Variants in UBE2E1 observed in about 807,000 individuals in gnomAD.
UBE2E1 encodes ubiquitin conjugating enzyme E2 E1.
In UBE2E1, 6 loss-of-function variants were observed where a neutral mutation model predicts 21.4. The ratio of observed to expected loss-of-function variants is 0.28; its 90% CI spans 0.15 to 0.55. UBE2E1 has a LOEUF of 0.55. Among genes scored for constraint, UBE2E1 ranks in the 20% least tolerant of loss-of-function variants. UBE2E1 has a pLI of 0.93. For synonymous variants in UBE2E1, 87 were observed against 82.7 expected (o/e 1.05, Z -0.28); for missense variants, 142 against 236.5 (o/e 0.60, Z 2.62).
rs558380600 is a variant in UBE2E1, at chr3:23,816,977, T to C, written c.203+5467T>C. Among the ~76,000 whole-genome samples, 1 of 151,178 alleles carries C rather than the reference T, an allele frequency of 6.6e-6. No individual in the cohort carries two copies. Among genetic ancestry groups the C allele is most frequent in the East Asian group, 1.9e-4 (1 of 5,192 alleles). ...CCACTAAATTGTACACTTAAAATGG[T>C]TAAAATGGCAAATTTCATGTTATAT... On this transcript the variant is annotated intron_variant, in intron 3 of 5. Transcript: ENST00000306627. This position sits in a 1 kb window ranked among gnomAD's most constrained non-coding sequence, Gnocchi z 4.8.
intron 3 of UBE2E1, among the ~76,000 whole-genome samples, chr3:23,843,669 A>G (rs1477369022): frequency 1.3e-5 from 2 of 152,080 alleles, no homozygotes; most frequent in African/African-American, 2.4e-5. Context: ...AGCATCCCAC[A>G]TCATTAGCTT....
At position 23,807,342 on chromosome 3, in the gene UBE2E1, G is replaced by C. The variant is rs1347792097; in HGVS notation, c.73G>C (p.Glu25Gln). Residue 25 changes from glutamate (E) to glutamine (Q), a missense_variant, in exon 2 of 6, where the codon GAA (glutamate) becomes CAA (glutamine). By Grantham distance (29) the Glu-to-Gln change is conservative. Coordinates refer to ENST00000306627, the MANE Select transcript of UBE2E1 (RefSeq NM_003341.5). ...SSSSNQQTEK[E>Q]TNTPKKKESK... Reference sequence around the variant, plus strand: ...GTCTTCCAACCAGCAAACCGAGAAAGAAACAAACACCCCCAAGAAGAAGGA... The same window carrying C: ...GTCTTCCAACCAGCAAACCGAGAAACAAACAAACACCCCCAAGAAGAAGGA... 1.2e-6 allele frequency: 2 copies of C among 1,613,890 alleles called. No individual in the cohort carries two copies. The highest frequency in any genetic ancestry group is 1.7e-5 in the Admixed American group (1 of 59,980).
intron 3 of UBE2E1, among the ~76,000 whole-genome samples, chr3:23,824,522 ACTTT>A (rs977789345): frequency 4.6e-5 from 7 of 152,134 alleles, no homozygotes; most frequent in Non-Finnish European, 8.8e-5. Flanking sequence ...CAAGATTTGA[ACTTT>A]CTATCTGAAT....
chr3:23,844,680 G>A (rs1443268823), intron 3 of UBE2E1, among the ~76,000 whole-genome samples: 2 of 152,184 alleles, frequency 1.3e-5, no homozygotes, highest in African/African-American at 2.4e-5. Context: ...GAGAATTCCT[G>A]TGTCCTCTTA....
chr3:23,887,660 T>G lies in UBE2E1; in HGVS notation c.297T>G (p.Asp99Glu), dbSNP rs1391181395. 1 of 1,613,968 alleles carries G rather than the reference T, an allele frequency of 6.2e-7. No homozygotes were observed. The highest frequency in any genetic ancestry group is 1.1e-5 in the South Asian group (1 of 91,032). Residue 99 changes from aspartate to glutamate, a missense_variant, in exon 4 of 6, where the codon GAT becomes GAG. Physicochemically the swap from Asp to Glu is conservative, Grantham distance 45. This residue lies in a region of UBE2E1 where 87 missense variants were observed against 184.9 expected (regional missense o/e 0.47). Transcript: ENST00000306627. This position sits in a 1 kb window ranked among gnomAD's most constrained non-coding sequence, Gnocchi z 4.4. ...ATGAGGGTGGTGTATTCTTTCTCGA[T>G]ATCACTTTTACACCAGAATATCCCT... Reference protein sequence around the residue: ...SVYEGGVFFLDITFTPEYPFK... With the variant: ...SVYEGGVFFLEITFTPEYPFK...
chr3:23,831,016 C>T (rs566428388), intron 3 of UBE2E1, among the ~76,000 whole-genome samples: 13 of 152,334 alleles, frequency 8.5e-5, no homozygotes, highest in Admixed American at 2.0e-4. Context: ...GAAGAACCCA[C>T]GTGATCTGGC....
Position 23,816,301 on chromosome 3 carries a change from T to A in UBE2E1, c.203+4791T>A, listed in dbSNP as rs1448004590. Among the ~76,000 whole-genome samples the A allele has an allele frequency of 6.6e-6, 1 of 152,176 alleles. No individual in the cohort carries two copies. The highest frequency in any genetic ancestry group is 2.1e-4 in the South Asian group (1 of 4,832). ...AAAAAGTGGAAAAAACCCAAGTGTC[T>A]GTCAACAGATGAGTGGATAAACAAA... On this transcript the variant is annotated intron_variant, in intron 3 of 5. Coordinates refer to ENST00000306627, the MANE Select transcript of UBE2E1 (RefSeq NM_003341.5). The surrounding 1 kb of genome is among the most constrained non-coding windows in gnomAD (Gnocchi z 4.8).
At chr3:23,873,102 A>G (rs1430689134) in intron 3 of UBE2E1, among the ~76,000 whole-genome samples, 1 of 152,208 alleles carries the variant, frequency 6.6e-6, no homozygotes, top group Non-Finnish European at 1.5e-5. Flanking sequence ...GCAGACAGGT[A>G]GATTTTCATA....
intron 3 of UBE2E1, among the ~76,000 whole-genome samples, chr3:23,818,515 A>C (rs1699575074): frequency 6.6e-6 from 1 of 152,210 alleles, no homozygotes; most frequent in Non-Finnish European, 1.5e-5. Flanking sequence ...ATGTTAAAAG[A>C]ATGATACAGC....
intron 3 of UBE2E1, among the ~76,000 whole-genome samples, chr3:23,864,083 A>C (rs1321187703): frequency 1.3e-5 from 2 of 152,098 alleles, no homozygotes; most frequent in African/African-American, 4.8e-5. Flanking sequence ...TTTTTTAGAG[A>C]CCTCAAGTAT....
At chr3:23,818,533 C>T (rs887759940) in intron 3 of UBE2E1, among the ~76,000 whole-genome samples, 3 of 152,192 alleles carry the variant, frequency 2.0e-5, no homozygotes, top group African/African-American at 7.2e-5. Context: ...AGCAAGCGCC[C>T]ACCCTTCACC....
At chr3:23,857,001 TAAA>T (rs34840201) in intron 3 of UBE2E1, among the ~76,000 whole-genome samples, 3 of 129,826 alleles carry the variant, frequency 2.3e-5, no homozygotes, top group Non-Finnish European at 3.2e-5. Flanking sequence ...GGCTGTCTCT[TAAA>T]AAAAAAAAAA....
chr3:23,860,291 C>T (rs2125313075), intron 3 of UBE2E1, among the ~76,000 whole-genome samples: 1 of 152,302 alleles, frequency 6.6e-6, no homozygotes, highest in South Asian at 2.1e-4. Flanking sequence ...GTGACTGCAC[C>T]TCACTAAATT....
chr3:23,880,730 A>G (rs1701018822), intron 3 of UBE2E1, among the ~76,000 whole-genome samples: 1 of 152,218 alleles, frequency 6.6e-6, no homozygotes, highest in African/African-American at 2.4e-5. Flanking sequence ...AAAGACTCAC[A>G]AAAACATGAT....
chr3:23,832,688 T>C (rs141085826), intron 3 of UBE2E1, among the ~76,000 whole-genome samples: 1 of 152,230 alleles, frequency 6.6e-6, no homozygotes, highest in Non-Finnish European at 1.5e-5. Context: ...TGAGCCAAGA[T>C]CTTGCCACTG....
chr3:23,886,021 A>C (rs1559495933), intron 3 of UBE2E1, among the ~76,000 whole-genome samples: 1 of 151,878 alleles, frequency 6.6e-6, no homozygotes, highest in Non-Finnish European at 1.5e-5. Flanking sequence ...ACATAGAGAG[A>C]CCCCCATCTA....
intron 3 of UBE2E1, among the ~76,000 whole-genome samples, chr3:23,845,615 G>GTGTGTGTGTGTGTGTGTGTA (rs1559483398): frequency 6.6e-6 from 1 of 150,710 alleles, no homozygotes; most frequent in Non-Finnish European, 1.5e-5. Flanking sequence ...GTGTGTGTGT[G>GTGTGTGTGTGTGTGTGTGTA]TATGTGTGTG....
rs906423015 is a variant in UBE2E1, at chr3:23,806,148, A to G, written c.-34+60A>G. ...GGCCGCGCCGCCGGGCCTCGGGGAC[A>G]CCCCTCGCCGCCTCCCCCGACTCGC... On this transcript the variant is annotated intron_variant, in intron 1 of 5. Coordinates refer to ENST00000306627, the MANE Select transcript of UBE2E1 (RefSeq NM_003341.5). This position sits in a 1 kb window ranked among gnomAD's most constrained non-coding sequence, Gnocchi z 6.5. 3 of 137,096 alleles carry G rather than the reference A, an allele frequency of 2.2e-5. No homozygotes were observed. The highest frequency in any genetic ancestry group is 4.8e-5 in the Non-Finnish European group (3 of 63,062). The allele number at this position is 137,096 out of a possible 1,614,324, so 8.5% of individuals were successfully genotyped here.
intron 3 of UBE2E1, among the ~76,000 whole-genome samples, chr3:23,865,816 A>G (rs1401226407): frequency 6.6e-6 from 1 of 152,166 alleles, no homozygotes; most frequent in African/African-American, 2.4e-5. Context: ...GTGCCTGACC[A>G]GTGGCCACCA....
Sources: gnomAD v4.1 joint callset for allele counts (sites outside exome capture counted in the v4.1 genomes callset) on GRCh38, gnomAD v4.1.1 for gene constraint, gnomAD v4.1.1 regional missense constraint, Gnocchi (gnomAD v3.1) non-coding constraint, MANE v1.5 for transcripts, NCBI Gene and HGNC (gene_info 2026-07-23, HGNC 2026-07-21) for gene names.